The following DAAM2 variants were observed in gnomAD, a reference collection of about 807,000 sequenced individuals.
The protein encoded by DAAM2 is disheveled-associated activator of morphogenesis 2.
Under a neutral mutation model 120.7 loss-of-function variants are expected in DAAM2, and 39 were observed. The observed-to-expected ratio is 0.32, with a 90% CI of 0.25 to 0.42. The LOEUF (loss-of-function observed/expected upper bound fraction) is 0.42. Ranked by LOEUF, DAAM2 falls within the 10% of genes least tolerant of loss-of-function variation. The pLI is 1.00. For synonymous variants in DAAM2, 488 were observed against 524.9 expected, an observed-to-expected ratio of 0.93 and a Z score of 0.96; for missense variants, 1,283 against 1,401.7, an observed-to-expected ratio of 0.92 and a Z score of 1.35.
In DAAM2 at chr6:39,860,979, C is replaced by T. The variant is rs370112679; in HGVS notation, c.220C>T (p.Pro74Ser). 6.2e-7 allele frequency: 1 copy of T among 1,613,048 alleles called. No individual in the cohort carries two copies. The highest frequency in any genetic ancestry group is 8.5e-7 in the Non-Finnish European group (1 of 1,179,642). ...KNREAMFALP[P>S]EKKWQIYCSK... ...CCGAGAGGCTATGTTTGCACTGCCC[C>T]CTGAGAAGAAATGGCAGATCTACTG... Residue 74 changes from proline to serine, a missense_variant, in exon 3 of 25, where the codon CCT becomes TCT. This residue lies in a region of DAAM2 where 197 missense variants were observed against 189.3 expected (regional missense o/e 1.04). Coordinates refer to ENST00000274867, the MANE Select transcript of DAAM2 (RefSeq NM_001201427.2).
chr6:39,887,601 A>T lies in DAAM2; in HGVS notation c.2060+9A>T. 6.3e-7 allele frequency: 1 copy of T among 1,597,240 alleles called. No individual in the cohort carries two copies. The highest frequency in any genetic ancestry group is 8.6e-7 in the Non-Finnish European group (1 of 1,165,596). ...ATCATCCTTCTTTCCAAGTATGTGCAAAAGAAGGTGGTTGAGTTGGATGCC... is the reference window on the plus strand; with the variant it reads ...ATCATCCTTCTTTCCAAGTATGTGCTAAAGAAGGTGGTTGAGTTGGATGCC... On this transcript the variant is annotated intron_variant, in intron 16 of 24. Transcript: ENST00000274867.
rs781749211 is a variant in DAAM2, at chr6:39,856,443, G to C, written c.141G>C (p.Glu47Asp). Residue 47 changes from glutamate to aspartate, a missense_variant, in exon 2 of 25, where the codon GAG becomes GAC. Around this residue, in one of 3 missense-constraint regions of DAAM2, gnomAD observed 197 missense variants for 189.3 expected, o/e 1.04. Coordinates refer to ENST00000274867, the MANE Select transcript of DAAM2 (RefSeq NM_001201427.2). ...EFSSPIPNAE[E>D]LNIRFAELVD... ...CCAGCCCCATCCCGAACGCAGAGGA[G>C]CTCAACATCCGCTTTGCAGAGCTGG... The C allele has an allele frequency of 6.7e-7, 1 of 1,481,850 alleles. No homozygotes were observed. The highest frequency in any genetic ancestry group is 2.4e-5 in the Admixed American group (1 of 42,090). The allele number at this position is 1,481,850 out of a possible 1,614,324, so 91.8% of individuals were successfully genotyped here.
intron 1 of DAAM2, among the ~76,000 whole-genome samples, chr6:39,840,789 C>T (rs995663027): frequency 2.0e-5 from 3 of 152,048 alleles, no homozygotes; most frequent in Non-Finnish European, 4.4e-5. Flanking sequence ...TTACACTGTG[C>T]GACACTGTCC....
rs1206544347 is a variant in DAAM2, at chr6:39,831,964, T to TG, written c.-56-24276dup. ...CCGGGGCACTGGAGGGTAGGTGCAC[T>TG]GGGGGGGTAGGTGCACTGGGGGGTA... On this transcript the variant is annotated intron_variant, in intron 1 of 24. Coordinates refer to ENST00000274867, the MANE Select transcript of DAAM2 (RefSeq NM_001201427.2). Among the ~76,000 whole-genome samples, 12 of 38,296 alleles carry TG rather than the reference T, an allele frequency of 3.1e-4. No individual in the cohort carries two copies. In the Admixed American group the frequency reaches 3.4e-3, roughly 11 times the overall value. The allele number at this position is 38,296 out of a possible 152,430, so 25.1% of individuals were successfully genotyped here. A position where few individuals can be genotyped will look rare whatever the true frequency, so the allele number is the denominator to read the frequency against.
intron 1 of DAAM2, among the ~76,000 whole-genome samples, chr6:39,833,281 C>A (rs1405016738): frequency 6.6e-6 from 1 of 151,326 alleles, no homozygotes; most frequent in Non-Finnish European, 1.5e-5. Context: ...TTTTCCTTTT[C>A]TTCTGCTTTG....
At chr6:39,840,987 G>A (rs528332595) in intron 1 of DAAM2, among the ~76,000 whole-genome samples, 1 of 147,610 alleles carries the variant, frequency 6.8e-6, no homozygotes, top group Non-Finnish European at 1.5e-5. Context: ...GCTCCAGGAG[G>A]AGGGGATCTG....
chr6:39,844,579 G>C (rs1763487090), intron 1 of DAAM2, among the ~76,000 whole-genome samples: 1 of 152,152 alleles, frequency 6.6e-6, no homozygotes, highest in Non-Finnish European at 1.5e-5. Flanking sequence ...GGTCTATGGC[G>C]GATGTAAGCG....
chr6:39,879,949 A>C, intron 14 of DAAM2: 1 of 240,866 alleles, frequency 4.2e-6, no homozygotes, highest in South Asian at 4.7e-5. Flanking sequence ...CACTGGCCTC[A>C]TGTCTGGACC....
intron 1 of DAAM2, among the ~76,000 whole-genome samples, chr6:39,851,211 G>C (rs925802056): frequency 1.3e-5 from 2 of 152,192 alleles, no homozygotes; most frequent in African/African-American, 4.8e-5. Context: ...GCAGATCTCA[G>C]CTTAGGATAC....
At chr6:39,877,352 C>T (rs1764915030) in intron 11 of DAAM2, among the ~76,000 whole-genome samples, 1 of 152,168 alleles carries the variant, frequency 6.6e-6, no homozygotes, top group African/African-American at 2.4e-5. Context: ...CCCCAGTCTA[C>T]CCTACCTCCC....
intron 1 of DAAM2, among the ~76,000 whole-genome samples, chr6:39,810,312 C>A (rs1051162620): frequency 6.6e-6 from 1 of 152,208 alleles, no homozygotes; most frequent in Non-Finnish European, 1.5e-5. Flanking sequence ...ATCGATCAAA[C>A]CTTGTTTCTC....
chr6:39,844,014 G>A (rs1030680060), intron 1 of DAAM2, among the ~76,000 whole-genome samples: 1 of 152,218 alleles, frequency 6.6e-6, no homozygotes, highest in East Asian at 1.9e-4. Flanking sequence ...ACTTGGGCAA[G>A]TTACTGATTT....
intron 1 of DAAM2, among the ~76,000 whole-genome samples, chr6:39,831,407 C>T (rs933290961): frequency 4.6e-5 from 7 of 152,022 alleles, no homozygotes; most frequent in Non-Finnish European, 1.0e-4. Flanking sequence ...ATCACTGTAC[C>T]TGACTCACTA....
At chr6:39,879,098 A>G in intron 13 of DAAM2, 80 bp from the exon 14 acceptor site, 1 of 899,638 alleles carries the variant, frequency 1.1e-6, no homozygotes, top group South Asian at 1.7e-5. Flanking sequence ...AGAAACTAGA[A>G]GGAGAGGAAT....
At chr6:39,874,720 T>C (rs1764799228) in intron 10 of DAAM2, among the ~76,000 whole-genome samples, 1 of 152,166 alleles carries the variant, frequency 6.6e-6, no homozygotes, top group Admixed American at 6.5e-5. Flanking sequence ...CAGATGACTA[T>C]CATTAGAGGG....
intron 14 of DAAM2, 25 bp downstream of exon 14, chr6:39,879,502 G>C (rs1562048875): frequency 5.0e-6 from 8 of 1,613,980 alleles, no homozygotes; most frequent in Non-Finnish European, 6.8e-6. Flanking sequence ...AGGGGCTGGA[G>C]GGCCCATTCT....
rs994532454 is a variant in DAAM2 at position 39,875,597 on chromosome 6, G to C, written c.1301+129G>C. The stretch of plus-strand genomic sequence containing the variant: ...TCCCGAAATGAGTCTTGGGCAGCAT[G>C]GTCCAACAGAACTCTCTAAGCTAAT... On this transcript the variant is annotated intron_variant, in intron 11 of 24. Transcript: ENST00000274867. 6.2e-6 allele frequency: 7 copies of C among 1,136,426 alleles called. No individual in the cohort carries two copies. The African/African-American group carries it at 9.3e-5, about 15-fold the overall frequency. 70.4% of individuals were successfully genotyped at this position (1,136,426 alleles called of 1,614,324 possible).
At chr6:39,882,766 C>T (rs1361311017) in intron 14 of DAAM2, among the ~76,000 whole-genome samples, 1 of 151,852 alleles carries the variant, frequency 6.6e-6, no homozygotes, top group Non-Finnish European at 1.5e-5. Context: ...TTGTTTCTGC[C>T]ATGAAAAGAA....
rs539516207 is a variant in DAAM2, at chr6:39,886,187, G to A, written c.1954-1299G>A. Reference sequence around the variant, plus strand: ...GGTGGTCGCACTAGGCAGATGGGAGGAGCTGCCTGATCTCCGCTTCGTTTG... The same window carrying A: ...GGTGGTCGCACTAGGCAGATGGGAGAAGCTGCCTGATCTCCGCTTCGTTTG... On this transcript the variant is annotated intron_variant, in intron 15 of 24. Transcript: ENST00000274867. The A allele has an allele frequency of 1.0e-5, 4 of 383,632 alleles. No individual in the cohort carries two copies. In the Admixed American group the frequency reaches 1.8e-4, roughly 17 times the overall value. The allele number at this position is 383,632 out of a possible 1,614,324, so 23.8% of individuals were successfully genotyped here.
Sources: allele counts gnomAD v4.1 joint callset (sites outside exome capture counted in the v4.1 genomes callset), GRCh38; gene constraint gnomAD v4.1.1; regional missense constraint gnomAD v4.1.1; transcripts MANE v1.5; gene names NCBI Gene and HGNC (gene_info 2026-07-23, HGNC 2026-07-21).